EDC3: variants seen among roughly 807,000 people sequenced by gnomAD.
The protein encoded by EDC3 is enhancer of mRNA decapping 3.
EDC3 carries 20 observed loss-of-function variants against 41.8 expected under a neutral mutation model. That is an observed-to-expected ratio of 0.48 (90% CI 0.34 to 0.70). The LOEUF (loss-of-function observed/expected upper bound fraction) is 0.70. Ranked by LOEUF, EDC3 falls within the 30% of genes least tolerant of loss-of-function variation. The probability of loss-of-function intolerance (pLI) is 0.01; values close to 1 mark genes in which losing one functional copy is unlikely to be tolerated. For synonymous variants in EDC3, 206 were observed against 243.2 expected, an observed-to-expected ratio of 0.85 and a Z score of 1.42; for missense variants, 444 against 636.8, an observed-to-expected ratio of 0.70 and a Z score of 3.26.
At chr15:74,687,314 C>A (rs1014870258) in intron 1 of EDC3, 3 of 152,168 alleles carry the variant, frequency 2.0e-5, no homozygotes, top group Admixed American at 1.3e-4. Flanking sequence ...TAAAACTATG[C>A]GGACAGAACC....
chr15:74,644,088 T>C (rs1236708398), intron 4 of EDC3: 1 of 152,180 alleles, frequency 6.6e-6, no homozygotes, highest in Non-Finnish European at 1.5e-5. Context: ...TAGTGTCAAG[T>C]GTTCTCTGAA....
chr15:74,690,053 C>T (rs1466769543), intron 1 of EDC3, among the ~76,000 whole-genome samples: 1 of 152,040 alleles, frequency 6.6e-6, no homozygotes, highest in Non-Finnish European at 1.5e-5. Flanking sequence ...CAAACAATTC[C>T]ACTTCTAAAA....
At chr15:74,652,176 A>G (rs2062488416) in intron 4 of EDC3, among the ~76,000 whole-genome samples, 1 of 152,080 alleles carries the variant, frequency 6.6e-6, no homozygotes, top group Non-Finnish European at 1.5e-5. Flanking sequence ...TGTAAGTTGG[A>G]GGATCATCTG....
At chr15:74,659,026 G>A (rs918574542) in intron 3 of EDC3, among the ~76,000 whole-genome samples, 1 of 152,180 alleles carries the variant, frequency 6.6e-6, no homozygotes, top group African/African-American at 2.4e-5. Flanking sequence ...CCAGCTAGAT[G>A]ATGAACCACT....
At chr15:74,691,829 G>GT (rs1163721356) in intron 1 of EDC3, among the ~76,000 whole-genome samples, 4 of 151,978 alleles carry the variant, frequency 2.6e-5, no homozygotes, top group Non-Finnish European at 4.4e-5. Flanking sequence ...GTTTTTTTGG[G>GT]TTTTTTTGAG....
intron 1 of EDC3, among the ~76,000 whole-genome samples, chr15:74,676,687 C>A (rs2062810273): frequency 2.0e-5 from 3 of 152,012 alleles, no homozygotes; most frequent in South Asian, 4.2e-4. Flanking sequence ...GAGAATAAGA[C>A]AAGACACAAA....
rs1567175904 is a variant in EDC3, at chr15:74,674,762, C to T, written c.164+199G>A. The T allele has an allele frequency of 8.4e-6, 5 of 592,624 alleles. No homozygotes were observed. In the East Asian group the frequency reaches 8.5e-5, roughly 10 times the overall value. The allele number at this position is 592,624 out of a possible 1,614,324, so 36.7% of individuals were successfully genotyped here. A position where few individuals can be genotyped will look rare whatever the true frequency, so the allele number is the denominator to read the frequency against. On this transcript the variant is annotated intron_variant, in intron 2 of 6. Transcript: ENST00000315127. The stretch of plus-strand genomic sequence containing the variant: ...GGGCATGGTGGTTCACACCTGAAAT[C>T]CCAGCACTTCGGGAGGCCACAACGG...
Position 74,632,913 on chromosome 15 carries a change from T to C in EDC3, c.1226A>G (p.Asn409Ser), listed in dbSNP as rs2062229950. Reference sequence around the variant, plus strand: ...GACGTTCTCAGGGCAATCCAGGCAGTTGATGACCAGGTCCACAGGGCTAGT... The same window carrying C: ...GACGTTCTCAGGGCAATCCAGGCAGCTGATGACCAGGTCCACAGGGCTAGT... ...LPTSPVDLVI[N>S]CLDCPENVFL... The change falls in exon 7 of 7, where the codon AAC (asparagine) becomes AGC (serine). Residue 409 changes from asparagine (N) to serine (S), a missense_variant. Physicochemically the swap from Asn to Ser is conservative, Grantham distance 46. Coordinates refer to ENST00000315127, the MANE Select transcript of EDC3 (RefSeq NM_025083.5). This position sits in a 1 kb window ranked among gnomAD's most constrained non-coding sequence, Gnocchi z 4.0. The C allele has an allele frequency of 6.2e-7, 1 of 1,614,154 alleles. No individual in the cohort carries two copies. Among genetic ancestry groups the C allele is most frequent in the Non-Finnish European group, 8.5e-7 (1 of 1,180,012 alleles).
intron 1 of EDC3, among the ~76,000 whole-genome samples, chr15:74,682,644 A>C (rs2062886727): frequency 6.6e-6 from 1 of 151,760 alleles, no homozygotes; most frequent in South Asian, 2.1e-4. Context: ...AAAACCAAAA[A>C]ACTAAACATG....
At chr15:74,672,501 G>A (rs1368409460) in intron 2 of EDC3, among the ~76,000 whole-genome samples, 1 of 152,070 alleles carries the variant, frequency 6.6e-6, no homozygotes. Context: ...CAGTGGAAAA[G>A]ACAAGTACAT....
chr15:74,661,743 A>G, intron 3 of EDC3, among the ~76,000 whole-genome samples: 1 of 143,646 alleles, frequency 7.0e-6, no homozygotes, highest in Non-Finnish European at 1.5e-5. Flanking sequence ...AAAAAAAAAA[A>G]GAAAAAGAAA....
chr15:74,694,122 A>G (rs2063039427), intron 1 of EDC3, among the ~76,000 whole-genome samples: 1 of 152,210 alleles, frequency 6.6e-6, no homozygotes, highest in African/African-American at 2.4e-5. Context: ...AACTCTAGTA[A>G]GCCCTTCTCT....
intron 4 of EDC3, among the ~76,000 whole-genome samples, chr15:74,655,491 G>C (rs1158117990): frequency 2.0e-5 from 3 of 152,130 alleles, no homozygotes; most frequent in Non-Finnish European, 2.9e-5. Flanking sequence ...TACTAAATAA[G>C]TGGCAGGCCA....
intron 4 of EDC3, among the ~76,000 whole-genome samples, chr15:74,653,710 T>C (rs1596311321): frequency 6.6e-6 from 1 of 152,212 alleles, no homozygotes; most frequent in African/African-American, 2.4e-5. Context: ...GGTATGTTTA[T>C]TGATAGGAAA....
chr15:74,679,230 C>G (rs1316546587), intron 1 of EDC3, among the ~76,000 whole-genome samples: 1 of 151,856 alleles, frequency 6.6e-6, no homozygotes, highest in Non-Finnish European at 1.5e-5. Flanking sequence ...AGAAGCATTT[C>G]CCAATTTGTT....
intron 4 of EDC3, among the ~76,000 whole-genome samples, chr15:74,649,421 A>G (rs1341968501): frequency 6.6e-6 from 1 of 152,012 alleles, no homozygotes; most frequent in African/African-American, 2.4e-5. Context: ...AGCCAACTAC[A>G]CTTCTGTTAT....
At chr15:74,658,165 C>T (rs1160237499) in intron 3 of EDC3, among the ~76,000 whole-genome samples, 2 of 152,194 alleles carry the variant, frequency 1.3e-5, no homozygotes, top group African/African-American at 4.8e-5. Flanking sequence ...CCAGACTGAA[C>T]CTCTATCACA....
chr15:74,685,835 G>C (rs1024432298), intron 1 of EDC3, among the ~76,000 whole-genome samples: 3 of 152,066 alleles, frequency 2.0e-5, no homozygotes, highest in African/African-American at 7.2e-5. Flanking sequence ...ACTTGAAACT[G>C]TTTTCAAATA....
chr15:74,676,021 A>C lies in EDC3; in HGVS notation c.-18-879T>G, dbSNP rs560028589. On this transcript the variant is annotated intron_variant, in intron 1 of 6. Coordinates refer to ENST00000315127, the MANE Select transcript of EDC3 (RefSeq NM_025083.5). ...TGCTGGGCCTTAAACAAGTATGAAT[A>C]AATTTAAAAAGACTGAGATCACATA... Among the ~76,000 whole-genome samples the C allele has an allele frequency of 4.6e-5, 7 of 152,352 alleles. No individual in the cohort carries two copies. The South Asian group carries it at 1.5e-3, about 32-fold the overall frequency.
Sources: allele counts gnomAD v4.1 joint callset (sites outside exome capture counted in the v4.1 genomes callset), GRCh38; gene constraint gnomAD v4.1.1; non-coding constraint Gnocchi (gnomAD v3.1); transcripts MANE v1.5; gene names NCBI Gene and HGNC (gene_info 2026-07-23, HGNC 2026-07-21).